Variants in MEI4 observed in about 807,000 individuals in gnomAD.
MEI4 encodes meiosis-specific protein MEI4.
In MEI4, 27 loss-of-function variants were observed where a neutral mutation model predicts 31.4. The observed-to-expected ratio is 0.86, with a 90% CI of 0.63 to 1.19. The LOEUF is 1.19. Ranked by LOEUF, MEI4 falls within the 50% of genes most tolerant of loss-of-function variation. The pLI, the probability that MEI4 is intolerant of heterozygous loss-of-function variation, is 0.00. For missense variants in MEI4, 329 were observed against 398.9 expected (o/e 0.82, Z 1.49); for synonymous variants, 122 against 145.4 (o/e 0.84, Z 1.16).
At chr6:77,763,923 C>T (rs1186754267) in intron 3 of MEI4, among the ~76,000 whole-genome samples, 2 of 152,122 alleles carry the variant, frequency 1.3e-5, no homozygotes, top group Non-Finnish European at 2.9e-5. Context: ...AGGCGATTCT[C>T]CTGCCTCAGC....
chr6:77,828,286 A>G (rs1770002400), intron 3 of MEI4, among the ~76,000 whole-genome samples: 1 of 148,922 alleles, frequency 6.7e-6, no homozygotes, highest in Non-Finnish European at 1.5e-5. Flanking sequence ...ATGGCCTGTT[A>G]GAAACCAGGC....
chr6:77,710,604 A>G (rs963079704), intron 2 of MEI4, among the ~76,000 whole-genome samples: 3 of 150,532 alleles, frequency 2.0e-5, no homozygotes, highest in African/African-American at 7.3e-5. Context: ...TTAAAAATTT[A>G]TTTTTCTTTT....
intron 3 of MEI4, among the ~76,000 whole-genome samples, chr6:77,763,599 A>C (rs1007626593): frequency 6.6e-6 from 1 of 152,196 alleles, no homozygotes; most frequent in East Asian, 1.9e-4. Context: ...TATTTCATCT[A>C]TAGATCCACC....
In MEI4 at chr6:77,742,005, G is replaced by A. The variant is rs955651147; in HGVS notation, c.233-19125G>A. Among the ~76,000 whole-genome samples the A allele has an allele frequency of 7.9e-5, 12 of 151,766 alleles. No homozygotes were observed. In the East Asian group the frequency reaches 9.7e-4, roughly 12 times the overall value. Reference sequence around the variant, plus strand: ...TGGTGTATATGTGCCACATTTTCTTGATCCAGTCTATCATTGTTGGACATT... The same window carrying A: ...TGGTGTATATGTGCCACATTTTCTTAATCCAGTCTATCATTGTTGGACATT... On this transcript the variant is annotated intron_variant, in intron 2 of 4. Transcript: ENST00000684080.
chr6:77,883,244 GATCAA>G (rs980448661), intron 4 of MEI4, among the ~76,000 whole-genome samples: 2 of 151,984 alleles, frequency 1.3e-5, no homozygotes, highest in African/African-American at 4.8e-5. Flanking sequence ...GATCTGTAAT[GATCAA>G]ATCAAGGTAT....
chr6:77,661,393 C>T (rs1406532099), intron 1 of MEI4, among the ~76,000 whole-genome samples: 1 of 152,092 alleles, frequency 6.6e-6, no homozygotes, highest in East Asian at 1.9e-4. Context: ...AAGAAACGAC[C>T]GCGGTGGCCT....
Position 77,762,173 on chromosome 6 carries a change from T to C in MEI4, c.768+508T>C, listed in dbSNP as rs149231701. On this transcript the variant is annotated intron_variant, in intron 3 of 4. Transcript: ENST00000684080. ...CTTCTTTTGGCCTTTCCCTTGTAAG[T>C]GATAAATGCCCCATGGACCCTCTGC... Among the ~76,000 whole-genome samples, 212 of 152,282 alleles carry C rather than the reference T, an allele frequency of 1.4e-3. 1 individual carries two copies. The highest frequency in any genetic ancestry group is 4.5e-3 in the African/African-American group (186 of 41,558).
At chr6:77,852,830 C>G (rs562428817) in intron 4 of MEI4, among the ~76,000 whole-genome samples, 5 of 152,054 alleles carry the variant, frequency 3.3e-5, no homozygotes, top group Non-Finnish European at 7.4e-5. Context: ...TAAGTTTCAA[C>G]ATATGAATTT....
At chr6:77,657,544 T>A (rs1318271233) in intron 1 of MEI4, among the ~76,000 whole-genome samples, 1 of 152,146 alleles carries the variant, frequency 6.6e-6, no homozygotes, top group Non-Finnish European at 1.5e-5. Flanking sequence ...CTATGTGGTG[T>A]CAACAATCCC....
intron 3 of MEI4, among the ~76,000 whole-genome samples, chr6:77,764,947 A>G (rs1042181728): frequency 1.3e-5 from 2 of 152,172 alleles, no homozygotes; most frequent in Non-Finnish European, 2.9e-5. Flanking sequence ...AACCTATGGG[A>G]TGCAGCAAAA....
intron 2 of MEI4, among the ~76,000 whole-genome samples, chr6:77,745,786 C>T (rs547290905): frequency 2.0e-5 from 3 of 152,164 alleles, no homozygotes; most frequent in African/African-American, 7.2e-5. Context: ...GACCACAGTG[C>T]AATCAAACTA....
chr6:77,706,465 A>T (rs1419871142), intron 2 of MEI4, among the ~76,000 whole-genome samples: 1 of 152,200 alleles, frequency 6.6e-6, no homozygotes, highest in Non-Finnish European at 1.5e-5. Context: ...CATAAAACAG[A>T]CAATTTTCTA....
chr6:77,801,351 T>C (rs1769251331), intron 3 of MEI4, among the ~76,000 whole-genome samples: 1 of 152,208 alleles, frequency 6.6e-6, no homozygotes, highest in East Asian at 1.9e-4. Context: ...CCCTTTATCA[T>C]TTTTTATCAC....
chr6:77,730,392 C>G (rs961937956), intron 2 of MEI4, among the ~76,000 whole-genome samples: 6 of 152,036 alleles, frequency 3.9e-5, no homozygotes, highest in Non-Finnish European at 8.8e-5. Flanking sequence ...TTCGCCTTCT[C>G]TCATCCTGAC....
Position 77,751,632 on chromosome 6 carries a change from C to T in MEI4, c.233-9498C>T, listed in dbSNP as rs537074096. ...AATTGAGGCAGCAATTAATAGCCTA[C>T]TAACCAAAAAAAGTCCAGGACCAGA... On this transcript the variant is annotated intron_variant, in intron 2 of 4. Coordinates refer to ENST00000684080, the MANE Select transcript of MEI4 (RefSeq NM_001322247.2). Among the ~76,000 whole-genome samples the T allele has an allele frequency of 7.2e-5, 11 of 152,202 alleles. No homozygotes were observed. The South Asian group carries it at 2.3e-3, about 32-fold the overall frequency.
At chr6:77,813,652 TC>T (rs1485863673) in intron 3 of MEI4, among the ~76,000 whole-genome samples, 1 of 152,096 alleles carries the variant, frequency 6.6e-6, no homozygotes, top group Non-Finnish European at 1.5e-5. Context: ...TAACCTTTGT[TC>T]CCTGAGCATT....
At chr6:77,814,755 TAC>T (rs1769650632) in intron 3 of MEI4, among the ~76,000 whole-genome samples, 1 of 152,034 alleles carries the variant, frequency 6.6e-6, no homozygotes, top group Non-Finnish European at 1.5e-5. Flanking sequence ...ACATGTGGAT[TAC>T]CATACCTTCC....
chr6:77,685,512 G>A lies in MEI4; in HGVS notation c.-14-5146G>A, dbSNP rs115877863. On this transcript the variant is annotated intron_variant, in intron 1 of 4. Coordinates refer to ENST00000684080, the MANE Select transcript of MEI4 (RefSeq NM_001322247.2). Reference sequence around the variant, plus strand: ...ATTTTGCAGGTTGTTCCTTCAGTCTGTTGATTGTTTCCTTTGCTGTGCAGA... The same window carrying A: ...ATTTTGCAGGTTGTTCCTTCAGTCTATTGATTGTTTCCTTTGCTGTGCAGA... Among the ~76,000 whole-genome samples, 1,154 of 152,118 alleles carry A rather than the reference G, an allele frequency of 7.6e-3. 18 individuals are homozygous for A. Among genetic ancestry groups the A allele is most frequent in the African/African-American group, 0.027 (1,106 of 41,534 alleles).
chr6:77,910,011 T>G (rs565096956), intron 4 of MEI4, among the ~76,000 whole-genome samples: 28 of 152,190 alleles, frequency 1.8e-4, no homozygotes, highest in Admixed American at 3.3e-4. Context: ...TTCAACAACC[T>G]TCATGCTAAA....
Sources: allele counts gnomAD v4.1 joint callset (sites outside exome capture counted in the v4.1 genomes callset), GRCh38; gene constraint gnomAD v4.1.1; transcripts MANE v1.5; gene names NCBI Gene and HGNC (gene_info 2026-07-23, HGNC 2026-07-21).